SLC35F4: variants seen among roughly 807,000 people sequenced by gnomAD.
SLC35F4 encodes the protein solute carrier family 35 member F4, also known as chromosome 14 open reading frame 36.
A neutral mutation model predicts 44.2 loss-of-function variants in SLC35F4; 24 were observed. The observed-to-expected ratio is 0.54, with a 90% CI of 0.39 to 0.76. SLC35F4 has a LOEUF of 0.76. Ranked by LOEUF, SLC35F4 falls within the 30% of genes least tolerant of loss-of-function variation. SLC35F4 has a pLI of 0.00. For missense variants in SLC35F4, 562 were observed against 586.1 expected (o/e 0.96, Z 0.42); for synonymous variants, 238 against 223.6 (o/e 1.06, Z -0.57).
At chr14:57,790,929 G>C (rs7144846) in intron 1 of SLC35F4, among the ~76,000 whole-genome samples, 21,085 of 152,020 alleles carry the variant, frequency 0.14, 1,763 homozygotes, top group African/African-American at 0.22. Context: ...CTGGCTAGCC[G>C]TATGCGGAAA....
chr14:57,716,130 G>A (rs7151111), intron 1 of SLC35F4, among the ~76,000 whole-genome samples: 60,174 of 151,922 alleles, frequency 0.4, 11,944 homozygotes, highest in Middle Eastern at 0.43. Flanking sequence ...GTGCGTGCGG[G>A]TTTTCATGCC....
chr14:57,903,996 A>G (rs1889062100), intron 1 of SLC35F4, among the ~76,000 whole-genome samples: 1 of 152,252 alleles, frequency 6.6e-6, no homozygotes, highest in African/African-American at 2.4e-5. Context: ...TCTTGCAAAG[A>G]AAAGAAAAAA....
rs546289918 is a variant in SLC35F4, at chr14:57,808,924, CATT to C, written c.103+56796_103+56798del. On this transcript the variant is annotated intron_variant, in intron 1 of 7. Coordinates refer to ENST00000556826, the MANE Select transcript of SLC35F4 (RefSeq NM_001306087.2). ...AGTGCCCTGAAAAAGGATTTTAATC[CATT>C]GTTCTTCTTTTTTTCTAGGTCCAGA... Among the ~76,000 whole-genome samples, 4 of 115,980 alleles carry C rather than the reference CATT, an allele frequency of 3.4e-5. No homozygotes were observed. The East Asian group carries it at 1.2e-3, about 35-fold the overall frequency. 76.1% of individuals were successfully genotyped at this position (115,980 alleles called of 152,430 possible).
chr14:57,754,623 G>A (rs548121413), intron 1 of SLC35F4, among the ~76,000 whole-genome samples: 3 of 152,302 alleles, frequency 2.0e-5, no homozygotes, highest in Admixed American at 6.5e-5. Flanking sequence ...CCCGAGATTC[G>A]TAATAAGTTC....
intron 1 of SLC35F4, among the ~76,000 whole-genome samples, chr14:57,765,635 A>T (rs2077217827): frequency 1.3e-5 from 2 of 152,258 alleles, no homozygotes; most frequent in Admixed American, 6.5e-5. Context: ...TTTAAAAATA[A>T]TTACTGGGTC....
rs545251494 is a variant in SLC35F4, at chr14:57,667,044, T to G, written c.104-72920A>C. On this transcript the variant is annotated intron_variant, in intron 1 of 7. Transcript: ENST00000556826. ...GCAAAGGCATCAGGTACATGTGACT[T>G]TTGAGTTAGGCCTTCCGGGAAGAGA... Among the ~76,000 whole-genome samples, 66 of 151,512 alleles carry G rather than the reference T, an allele frequency of 4.4e-4. 1 individual carries two copies. In the East Asian group the frequency reaches 0.012, roughly 28 times the overall value.
intron 1 of SLC35F4, among the ~76,000 whole-genome samples, chr14:57,621,385 G>A (rs1451939167): frequency 6.6e-6 from 1 of 152,004 alleles, no homozygotes. Context: ...AAAGAACAAA[G>A]CTGGAGGCAA....
At chr14:57,754,830 A>G (rs1028129654) in intron 1 of SLC35F4, among the ~76,000 whole-genome samples, 5 of 152,236 alleles carry the variant, frequency 3.3e-5, no homozygotes, top group African/African-American at 7.2e-5. Context: ...ACACGTAGGA[A>G]AGCAACCTGA....
chr14:57,795,402 T>C (rs960510660), intron 1 of SLC35F4, among the ~76,000 whole-genome samples: 3 of 152,132 alleles, frequency 2.0e-5, no homozygotes, highest in African/African-American at 7.2e-5. Context: ...CTAATGTGCA[T>C]AAGGAAGGAA....
intron 1 of SLC35F4, among the ~76,000 whole-genome samples, chr14:57,671,191 C>T (rs1318114256): frequency 6.6e-6 from 1 of 152,100 alleles, no homozygotes; most frequent in Non-Finnish European, 1.5e-5. Flanking sequence ...CACCTGTGAC[C>T]TTCTGAGGTT....
intron 1 of SLC35F4, among the ~76,000 whole-genome samples, chr14:57,619,060 AC>A (rs1299804219): frequency 6.6e-6 from 1 of 151,280 alleles, no homozygotes; most frequent in Non-Finnish European, 1.5e-5. Flanking sequence ...TATAGATAAA[AC>A]CCCCATCTCC....
intron 1 of SLC35F4, among the ~76,000 whole-genome samples, chr14:57,790,763 C>A (rs938353078): frequency 6.6e-6 from 1 of 152,176 alleles, no homozygotes; most frequent in Non-Finnish European, 1.5e-5. Context: ...ACCAAAACAG[C>A]ATGGTACTGG....
intron 1 of SLC35F4, among the ~76,000 whole-genome samples, chr14:57,765,100 GTGGAACTATGAT>G (rs112714826): frequency 0.052 from 7,905 of 152,288 alleles, 432 homozygotes; most frequent in African/African-American, 0.13. Flanking sequence ...ATATAATCTG[GTGGAACTATGAT>G]TATAAATGGA....
Position 57,930,414 on chromosome 14 carries a change from T to C in SLC35F4, n.282+51499A>G, listed in dbSNP as rs145575394. Among the ~76,000 whole-genome samples the C allele has an allele frequency of 5.3e-4, 80 of 152,292 alleles. 1 individual carries two copies. In the East Asian group the frequency reaches 0.012, roughly 22 times the overall value. On this transcript the variant is annotated intron_variant and non_coding_transcript_variant, in intron 1 of 1. Coordinates refer to the SLC35F4 transcript ENST00000556568. ...TCCATTAACCTCTTACCTCTCCCTG[T>C]GCCAGTTGCTCATTGTCTCTGACTC...
At chr14:57,937,586 GAAAGAAAAGA>G (rs67004414) in intron 1 of SLC35F4, among the ~76,000 whole-genome samples, 13,168 of 113,334 alleles carry the variant, frequency 0.12, 838 homozygotes, top group Non-Finnish European at 0.13. Context: ...GAAAAGAAAA[GAAAGAAAAGA>G]AAAGAAAAGA....
chr14:57,723,236 ATTGGCATAGACATAC>A (rs140569621), intron 1 of SLC35F4, among the ~76,000 whole-genome samples: 59,713 of 151,604 alleles, frequency 0.39, 11,714 homozygotes, highest in Middle Eastern at 0.41. Context: ...AGAATGCATA[ATTGGCATAGACATAC>A]TTAGCAGCTG....
chr14:57,806,465 T>A (rs1382093232), intron 1 of SLC35F4, among the ~76,000 whole-genome samples: 3 of 152,168 alleles, frequency 2.0e-5, no homozygotes, highest in Non-Finnish European at 4.4e-5. Flanking sequence ...AAATTTTAAT[T>A]ATTTTCAGCC....
rs141824173 is a variant in SLC35F4 at position 57,914,094 on chromosome 14, T to C, written n.282+67819A>G. Among the ~76,000 whole-genome samples the C allele has an allele frequency of 4.6e-5, 7 of 152,320 alleles. No homozygotes were observed. The East Asian group carries it at 1.3e-3, about 29-fold the overall frequency. On this transcript the variant is annotated intron_variant and non_coding_transcript_variant, in intron 1 of 1. Transcript: ENST00000556568. Reference sequence around the variant, plus strand: ...GATATTGTCTTAGTCTGTTTTATGCTGCTATGAGAGAATACCACCAGTGGG... The same window carrying C: ...GATATTGTCTTAGTCTGTTTTATGCCGCTATGAGAGAATACCACCAGTGGG...
intron 1 of SLC35F4, among the ~76,000 whole-genome samples, chr14:57,734,138 G>A (rs1447982336): frequency 1.3e-5 from 2 of 152,098 alleles, no homozygotes; most frequent in Non-Finnish European, 2.9e-5. Context: ...TGGGAACATT[G>A]AGATATAGGC....
Sources: gnomAD v4.1 joint callset for allele counts (sites outside exome capture counted in the v4.1 genomes callset) on GRCh38, gnomAD v4.1.1 for gene constraint, MANE v1.5 for transcripts, NCBI Gene and HGNC (gene_info 2026-07-23, HGNC 2026-07-21) for gene names.